KIRREL1: variants seen among roughly 807,000 people sequenced by gnomAD.
KIRREL1 encodes kin of IRRE-like protein 1.
In KIRREL1, 25 loss-of-function variants were observed where a neutral mutation model predicts 83.3. The ratio of observed to expected loss-of-function variants is 0.30; its 90% CI spans 0.22 to 0.42. The LOEUF is 0.42. Ranked by LOEUF, KIRREL1 falls within the 10% of genes least tolerant of loss-of-function variation. KIRREL1 has a pLI of 1.00. For synonymous variants in KIRREL1, 388 were observed against 410.4 expected (o/e 0.95, Z 0.66); for missense variants, 812 against 1,032.3 (o/e 0.79, Z 2.92).
intron 1 of KIRREL1, among the ~76,000 whole-genome samples, chr1:158,056,441 AG>A (rs1223835546): frequency 6.6e-6 from 1 of 152,196 alleles, no homozygotes; most frequent in African/African-American, 2.4e-5. Context: ...TCTAGGGGTG[AG>A]GGAGCAGGCC....
chr1:158,063,674 C>T (rs1383378863), intron 1 of KIRREL1, among the ~76,000 whole-genome samples: 4 of 152,234 alleles, frequency 2.6e-5, no homozygotes, highest in East Asian at 1.9e-4. Flanking sequence ...CCTAAAAGGC[C>T]TCACTTTCCC....
intron 1 of KIRREL1, among the ~76,000 whole-genome samples, chr1:158,051,490 A>G (rs1457692950): frequency 2.0e-5 from 3 of 152,240 alleles, no homozygotes; most frequent in African/African-American, 7.2e-5. Context: ...CATTTAGTCA[A>G]CACTACCAGT....
intron 1 of KIRREL1, among the ~76,000 whole-genome samples, chr1:158,039,562 C>T (rs911588430): frequency 5.9e-5 from 9 of 152,152 alleles, no homozygotes; most frequent in Non-Finnish European, 1.2e-4. Context: ...CTCACATTAC[C>T]GTATGTCTAG....
intron 1 of KIRREL1, among the ~76,000 whole-genome samples, chr1:158,000,333 T>A (rs1659326727): frequency 6.6e-6 from 1 of 152,240 alleles, no homozygotes; most frequent in South Asian, 2.1e-4. Flanking sequence ...TGTGAGTCAT[T>A]TTTCTTCCAG....
intron 3 of KIRREL1, 47 bp downstream of exon 3, chr1:158,078,187 T>C (rs1249891254): frequency 1.9e-6 from 3 of 1,588,490 alleles, no homozygotes; most frequent in Non-Finnish European, 2.6e-6. Context: ...TGTCTCTCTG[T>C]ATCCTGGCAG....
chr1:158,054,144 C>T (rs932424272), intron 1 of KIRREL1, among the ~76,000 whole-genome samples: 1 of 131,650 alleles, frequency 7.6e-6, no homozygotes, highest in African/African-American at 3.0e-5. Context: ...AGCTGGGAGG[C>T]GGGGTTTGCA....
intron 10 of KIRREL1, among the ~76,000 whole-genome samples, chr1:158,090,425 T>C (rs1468529498): frequency 6.6e-6 from 1 of 152,162 alleles, no homozygotes; most frequent in African/African-American, 2.4e-5. Context: ...CCGTGACTAT[T>C]AACTGTCAAA....
chr1:158,021,742 G>A (rs1205610684), intron 1 of KIRREL1, among the ~76,000 whole-genome samples: 1 of 152,164 alleles, frequency 6.6e-6, no homozygotes, highest in Non-Finnish European at 1.5e-5. Flanking sequence ...TGGGGGTGTG[G>A]CAGCTGTGGT....
intron 1 of KIRREL1, among the ~76,000 whole-genome samples, chr1:158,042,910 A>G (rs181536616): frequency 0.064 from 350 of 5,466 alleles, 1 homozygote; most frequent in African/African-American, 0.12. Context: ...CGTCTCTACT[A>G]AAAAAAAAAA....
At chr1:158,091,752 A>G (rs1662204032) in intron 11 of KIRREL1, among the ~76,000 whole-genome samples, 196 bp downstream of exon 11, 1 of 152,176 alleles carries the variant, frequency 6.6e-6, no homozygotes, top group African/African-American at 2.4e-5. Flanking sequence ...ATTCCTGCCT[A>G]TTGTAAGAGT....
chr1:158,076,816 G>A (rs957121531), intron 2 of KIRREL1, among the ~76,000 whole-genome samples: 3 of 152,242 alleles, frequency 2.0e-5, no homozygotes, highest in African/African-American at 7.2e-5. Context: ...AGCTGGTGCT[G>A]AAGCAAACAT....
intron 1 of KIRREL1, among the ~76,000 whole-genome samples, chr1:158,064,977 A>T (rs1387987933): frequency 1.4e-5 from 2 of 144,714 alleles, no homozygotes; most frequent in Non-Finnish European, 3.0e-5. Flanking sequence ...AAAGAGGGGC[A>T]AGAGTTGGGG....
At chr1:158,072,082 G>A (rs186774768) in intron 1 of KIRREL1, among the ~76,000 whole-genome samples, 2 of 152,220 alleles carry the variant, frequency 1.3e-5, no homozygotes, top group East Asian at 1.9e-4. Context: ...TCCAGAGCCT[G>A]TTTCCCTTGC....
At chr1:158,076,293 G>T (rs1407211938) in intron 2 of KIRREL1, 31 bp downstream of exon 2, 8 of 1,606,690 alleles carry the variant, frequency 5.0e-6, no homozygotes, top group Non-Finnish European at 6.8e-6. Flanking sequence ...CGTCCAAACT[G>T]TCCCATCTTC....
chr1:158,091,320 G>A, intron 10 of KIRREL1, 38 bp from the exon 11 acceptor site: 1 of 1,592,040 alleles, frequency 6.3e-7, no homozygotes. Flanking sequence ...TCTGCCCCCT[G>A]CCCCTTTCTT....
At position 158,010,359 on chromosome 1, in the gene KIRREL1, A is replaced by ACC. The variant is rs1449734471; in HGVS notation, c.52+16632_52+16633insCC. On this transcript the variant is annotated intron_variant, in intron 1 of 14. Coordinates refer to ENST00000359209, the MANE Select transcript of KIRREL1 (RefSeq NM_018240.7). ...CACACACACACACACACACACACACACACCCCACACAGTCCTGAGAATGTC... is the reference window on the plus strand; with the variant it reads ...CACACACACACACACACACACACACACCCACCCCACACAGTCCTGAGAATGTC... Among the ~76,000 whole-genome samples, 8 of 61,422 alleles carry ACC rather than the reference A, an allele frequency of 1.3e-4. 1 individual carries two copies. Among genetic ancestry groups the ACC allele is most frequent in the African/African-American group, 2.8e-4 (7 of 25,166 alleles). 40.3% of individuals were successfully genotyped at this position (61,422 alleles called of 152,430 possible).
Position 158,100,018 on chromosome 1 carries a change from A to G in KIRREL1, c.*4898A>G, listed in dbSNP as rs1490582650. On this transcript the variant is annotated 3_prime_UTR_variant, in exon 15 of 15. Coordinates refer to ENST00000359209, the MANE Select transcript of KIRREL1 (RefSeq NM_018240.7). ...CTCCTGTTGAATTTTCTCCACCCAG[A>G]CCCCAAAAATAAATGGATCCATGAT... 5.3e-5 allele frequency: 8 copies of G among 152,166 alleles called. No homozygotes were observed. The highest frequency in any genetic ancestry group is 1.9e-4 in the African/African-American group (8 of 41,508). 9.4% of individuals were successfully genotyped at this position (152,166 alleles called of 1,614,324 possible).
At chr1:158,079,766 G>A (rs1661790621) in intron 3 of KIRREL1, among the ~76,000 whole-genome samples, 1 of 152,234 alleles carries the variant, frequency 6.6e-6, no homozygotes, top group African/African-American at 2.4e-5. Flanking sequence ...CTAAAGAGGT[G>A]ACAACCTCTG....
At position 158,077,860 on chromosome 1, in the gene KIRREL1, T is replaced by G. The variant is rs1040804707; in HGVS notation, c.203-131T>G. On this transcript the variant is annotated intron_variant, in intron 2 of 14. Coordinates refer to ENST00000359209, the MANE Select transcript of KIRREL1 (RefSeq NM_018240.7). ...GTGAGGTGTCGTGGCATCAGGTGTC[T>G]GTGTCTGGGGCCTCACCTTCTCACC... 6.8e-6 allele frequency: 7 copies of G among 1,026,254 alleles called. No homozygotes were observed. The African/African-American group carries it at 1.1e-4, about 16-fold the overall frequency. 63.6% of individuals were successfully genotyped at this position (1,026,254 alleles called of 1,614,324 possible).
Sources: allele counts gnomAD v4.1 joint callset (sites outside exome capture counted in the v4.1 genomes callset), GRCh38; gene constraint gnomAD v4.1.1; transcripts MANE v1.5; gene names NCBI Gene and HGNC (gene_info 2026-07-23, HGNC 2026-07-21).